ENOX1: variants seen among roughly 807,000 people sequenced by gnomAD.
ENOX1 encodes the protein candidate growth-related and time keeping constitutive hydroquinone (NADH) oxidase.
In ENOX1, 42 loss-of-function variants were observed where a neutral mutation model predicts 82.5. That is an observed-to-expected ratio of 0.51 (90% CI 0.40 to 0.66). ENOX1 has a LOEUF of 0.66. Ranked by LOEUF, ENOX1 falls within the 30% of genes least tolerant of loss-of-function variation. ENOX1 has a pLI of 0.00. For synonymous variants in ENOX1, 271 were observed against 282.2 expected (o/e 0.96, Z 0.40); for missense variants, 608 against 811.6 (o/e 0.75, Z 3.05).
chr13:43,581,282 G>A (rs1217115762), intron 2 of ENOX1, among the ~76,000 whole-genome samples: 4 of 147,748 alleles, frequency 2.7e-5, no homozygotes, highest in African/African-American at 9.9e-5. Flanking sequence ...ACAGGCGCCC[G>A]CCACTACGCC....
chr13:43,498,480 C>A (rs1413983836), intron 2 of ENOX1, among the ~76,000 whole-genome samples: 2 of 151,936 alleles, frequency 1.3e-5, no homozygotes, highest in Non-Finnish European at 2.9e-5. Flanking sequence ...CAAACTGCAA[C>A]AATTTGAGAA....
chr13:43,782,332 C>T (rs996634863), intron 1 of ENOX1, among the ~76,000 whole-genome samples: 3 of 152,138 alleles, frequency 2.0e-5, no homozygotes, highest in Non-Finnish European at 4.4e-5. Flanking sequence ...CCTTTAAATT[C>T]AGATTAATCC....
At chr13:43,683,685 G>T (rs946105837) in intron 1 of ENOX1, among the ~76,000 whole-genome samples, 1 of 152,026 alleles carries the variant, frequency 6.6e-6, no homozygotes, top group African/African-American at 2.4e-5. Context: ...CAGCACAGGG[G>T]TATGTGCCCT....
intron 1 of ENOX1, among the ~76,000 whole-genome samples, chr13:43,772,054 G>C (rs540539789): frequency 7.3e-5 from 11 of 150,808 alleles, no homozygotes; most frequent in African/African-American, 2.7e-4. Context: ...AAAGTGCTGG[G>C]ATTACAGCAT....
chr13:43,647,793 C>T (rs536062407), intron 2 of ENOX1, among the ~76,000 whole-genome samples: 22 of 152,298 alleles, frequency 1.4e-4, no homozygotes, highest in African/African-American at 4.8e-4. Context: ...GATTAATGGC[C>T]TGGAGATGGG....
At chr13:43,640,825 T>A (rs1350977639) in intron 2 of ENOX1, among the ~76,000 whole-genome samples, 1 of 152,094 alleles carries the variant, frequency 6.6e-6, no homozygotes, top group Non-Finnish European at 1.5e-5. Flanking sequence ...ATTTAAATTA[T>A]TTAATATGCC....
chr13:43,741,360 G>A (rs2089903839), intron 1 of ENOX1, among the ~76,000 whole-genome samples: 1 of 152,180 alleles, frequency 6.6e-6, no homozygotes, highest in South Asian at 2.1e-4. Context: ...TGGGATTACA[G>A]GTGTGAGTCA....
chr13:43,529,861 G>GGCT (rs1566459972), intron 2 of ENOX1, among the ~76,000 whole-genome samples: 1 of 151,840 alleles, frequency 6.6e-6, no homozygotes, highest in Non-Finnish European at 1.5e-5. Flanking sequence ...ACTGTCTCTA[G>GGCT]GCCCCAATTA....
At chr13:43,723,043 C>T (rs1442974068) in intron 1 of ENOX1, among the ~76,000 whole-genome samples, 1 of 152,174 alleles carries the variant, frequency 6.6e-6, no homozygotes, top group Non-Finnish European at 1.5e-5. Flanking sequence ...GTTCCTAGCC[C>T]TTCCCAAACT....
chr13:43,488,956 TTAATTCAAA>T (rs774831350), intron 2 of ENOX1, among the ~76,000 whole-genome samples: 10 of 152,340 alleles, frequency 6.6e-5, no homozygotes, highest in Non-Finnish European at 1.2e-4. Flanking sequence ...GAATTTTCCA[TTAATTCAAA>T]TTGTGAGCAT....
intron 3 of ENOX1, among the ~76,000 whole-genome samples, chr13:43,472,471 C>T (rs553929768): frequency 5.3e-5 from 8 of 152,220 alleles, no homozygotes; most frequent in South Asian, 2.1e-4. Flanking sequence ...TTTTTAGAAA[C>T]GGTATTTCCT....
intron 1 of ENOX1, among the ~76,000 whole-genome samples, chr13:43,688,484 C>A (rs1203252765): frequency 2.0e-5 from 3 of 152,138 alleles, no homozygotes; most frequent in Non-Finnish European, 4.4e-5. Flanking sequence ...TTAGCCTTTG[C>A]CAGCCATATG....
At chr13:43,616,175 T>TAGATAG in intron 2 of ENOX1, among the ~76,000 whole-genome samples, 1 of 6,408 alleles carries the variant, frequency 1.6e-4, no homozygotes, top group Non-Finnish European at 7.3e-4. Flanking sequence ...TCTATCTATC[T>TAGATAG]ATCTATCTAT....
chr13:43,589,972 T>C, intron 2 of ENOX1, among the ~76,000 whole-genome samples: 1 of 151,226 alleles, frequency 6.6e-6, no homozygotes, highest in East Asian at 1.9e-4. Context: ...AAGTATGAGC[T>C]CACAAGCAAA....
rs554715113 is a variant in ENOX1, at chr13:43,754,288, T to C, written c.-285+32364A>G. 1.6e-3 allele frequency among the ~76,000 whole-genome samples: 224 copies of C among 141,462 alleles called. 2 individuals are homozygous for C. Among genetic ancestry groups the C allele is most frequent in the Non-Finnish European group, 2.9e-3 (192 of 65,128 alleles). The allele number at this position is 141,462 out of a possible 152,430, so 92.8% of individuals were successfully genotyped here. ...ATACACACACACATATATACATATATACACATATATGCGTGTATGTATGTG... is the reference window on the plus strand; with the variant it reads ...ATACACACACACATATATACATATACACACATATATGCGTGTATGTATGTG... On this transcript the variant is annotated intron_variant, in intron 1 of 16. Transcript: ENST00000690772.
intron 9 of ENOX1, among the ~76,000 whole-genome samples, chr13:43,334,425 T>C (rs1456154689): frequency 1.3e-5 from 2 of 152,178 alleles, no homozygotes; most frequent in Non-Finnish European, 2.9e-5. Context: ...TACTACACAC[T>C]GGGGATAAAA....
intron 3 of ENOX1, among the ~76,000 whole-genome samples, chr13:43,460,954 T>C (rs557440748): frequency 6.6e-6 from 1 of 152,240 alleles, no homozygotes; most frequent in East Asian, 1.9e-4. Context: ...AGAAACACTC[T>C]TCTTTCACTG....
At chr13:43,316,287 G>A (rs1428896634) in intron 11 of ENOX1, among the ~76,000 whole-genome samples, 1 of 152,188 alleles carries the variant, frequency 6.6e-6, no homozygotes, top group Non-Finnish European at 1.5e-5. Context: ...GAATTTCACC[G>A]AGGTGTGGCA....
At chr13:43,589,291 C>T (rs551318289) in intron 2 of ENOX1, among the ~76,000 whole-genome samples, 21 of 146,018 alleles carry the variant, frequency 1.4e-4, no homozygotes, top group Admixed American at 2.1e-4. Context: ...CTAAATTCAA[C>T]GGGTACTAGA....
Sources: allele counts gnomAD v4.1 joint callset (sites outside exome capture counted in the v4.1 genomes callset), GRCh38; gene constraint gnomAD v4.1.1; transcripts MANE v1.5; gene names NCBI Gene and HGNC (gene_info 2026-07-23, HGNC 2026-07-21).